Variants in ST6GALNAC3 observed in about 807,000 individuals in gnomAD.
ST6GALNAC3 encodes the protein ST6 N-acetylgalactosaminide alpha-2,6-sialyltransferase 3, also known as alpha-N-acetylgalactosaminide alpha-2,6-sialyltransferase 3.
In ST6GALNAC3, 25 loss-of-function variants were observed where a neutral mutation model predicts 32.7. The ratio of observed to expected loss-of-function variants is 0.76; its 90% CI spans 0.56 to 1.07. The LOEUF is 1.07. Among genes scored for constraint, ST6GALNAC3 ranks in the 50% least tolerant of loss-of-function variants. ST6GALNAC3 has a pLI of 0.00. For missense variants in ST6GALNAC3, 355 were observed against 382.4 expected, an observed-to-expected ratio of 0.93 and a Z score of 0.60; for synonymous variants, 129 against 133.1, an observed-to-expected ratio of 0.97 and a Z score of 0.21.
chr1:76,202,635 C>T (rs1010245997), intron 1 of ST6GALNAC3, among the ~76,000 whole-genome samples: 4 of 152,072 alleles, frequency 2.6e-5, no homozygotes, highest in African/African-American at 9.7e-5. Flanking sequence ...GAAGTGTTTG[C>T]AGTCAGAGTA....
intron 3 of ST6GALNAC3, among the ~76,000 whole-genome samples, chr1:76,570,515 T>C (rs1665798461): frequency 6.6e-6 from 1 of 152,084 alleles, no homozygotes; most frequent in African/African-American, 2.4e-5. Context: ...CTTCTATACT[T>C]CATAGGAAAC....
chr1:76,488,708 G>T (rs1336183422), intron 3 of ST6GALNAC3, among the ~76,000 whole-genome samples: 1 of 152,172 alleles, frequency 6.6e-6, no homozygotes, highest in Non-Finnish European at 1.5e-5. Flanking sequence ...TCAGTTAGTT[G>T]TCCATGAGTC....
intron 1 of ST6GALNAC3, among the ~76,000 whole-genome samples, chr1:76,274,604 A>C (rs1659032507): frequency 6.6e-6 from 1 of 152,172 alleles, no homozygotes; most frequent in Non-Finnish European, 1.5e-5. Flanking sequence ...CAATACAAGA[A>C]TGTCAGCAAT....
Position 76,074,830 on chromosome 1 carries a change from G to C in ST6GALNAC3, c.-37G>C. Reference sequence around the variant, plus strand: ...CCAGGACTGCCCCTGACCCAGGCGCGCCCGCTGCTCGGTGGCAGGAGGGCC... The same window carrying C: ...CCAGGACTGCCCCTGACCCAGGCGCCCCCGCTGCTCGGTGGCAGGAGGGCC... On this transcript the variant is annotated 5_prime_UTR_variant, in exon 1 of 5. Coordinates refer to ENST00000328299, the MANE Select transcript of ST6GALNAC3 (RefSeq NM_152996.4). The C allele has an allele frequency of 5.1e-6, 8 of 1,571,346 alleles. No homozygotes were observed. The highest frequency in any genetic ancestry group is 6.9e-6 in the Non-Finnish European group (8 of 1,158,642).
At chr1:76,531,652 T>A (rs940015180) in intron 3 of ST6GALNAC3, among the ~76,000 whole-genome samples, 1 of 152,128 alleles carries the variant, frequency 6.6e-6, no homozygotes, top group Non-Finnish European at 1.5e-5. Flanking sequence ...ACAATACAAT[T>A]CCAGGTACAA....
intron 3 of ST6GALNAC3, among the ~76,000 whole-genome samples, chr1:76,582,663 G>C (rs949924330): frequency 6.6e-6 from 1 of 151,878 alleles, no homozygotes; most frequent in Non-Finnish European, 1.5e-5. Flanking sequence ...TCCTTTTTTG[G>C]GACAGTATTA....
intron 3 of ST6GALNAC3, among the ~76,000 whole-genome samples, chr1:76,556,011 C>A (rs1198618486): frequency 6.6e-6 from 1 of 152,018 alleles, no homozygotes; most frequent in Middle Eastern, 3.2e-3. Context: ...GGGAACTATA[C>A]CCATTAGCAG....
chr1:76,167,113 C>A (rs1229953130), intron 1 of ST6GALNAC3, among the ~76,000 whole-genome samples: 1 of 152,150 alleles, frequency 6.6e-6, no homozygotes, highest in African/African-American at 2.4e-5. Context: ...TTTACCCATT[C>A]ATTATGGTGT....
intron 1 of ST6GALNAC3, among the ~76,000 whole-genome samples, chr1:76,078,854 C>T (rs1375855384): frequency 1.3e-5 from 2 of 152,050 alleles, no homozygotes; most frequent in Non-Finnish European, 2.9e-5. Context: ...GATCTTGGTT[C>T]GCTGCAACCT....
intron 1 of ST6GALNAC3, among the ~76,000 whole-genome samples, chr1:76,238,782 C>T (rs774710705): frequency 2.6e-5 from 4 of 151,992 alleles, no homozygotes; most frequent in Non-Finnish European, 4.4e-5. Context: ...TTATTTTCCT[C>T]GGGCAGGAAA....
intron 3 of ST6GALNAC3, among the ~76,000 whole-genome samples, chr1:76,613,208 A>G (rs982158256): frequency 6.6e-6 from 1 of 152,150 alleles, no homozygotes; most frequent in African/African-American, 2.4e-5. Flanking sequence ...TTAAATTGAT[A>G]TTTCCCCTCG....
chr1:76,423,509 T>C (rs1655171598), intron 3 of ST6GALNAC3, among the ~76,000 whole-genome samples: 1 of 151,986 alleles, frequency 6.6e-6, no homozygotes, highest in South Asian at 2.1e-4. Context: ...TATTAAGCTC[T>C]ACTGGCAAAA....
chr1:76,230,455 T>C (rs1460367315), intron 1 of ST6GALNAC3, among the ~76,000 whole-genome samples: 1 of 152,200 alleles, frequency 6.6e-6, no homozygotes, highest in Non-Finnish European at 1.5e-5. Context: ...CAAATTATCT[T>C]TTATTTTATT....
rs377197443 is a variant in ST6GALNAC3, at chr1:76,612,955, G to T, written c.624-14497G>T. On this transcript the variant is annotated intron_variant, in intron 3 of 4. Transcript: ENST00000328299. ...AAGCTTTCCTATGGGAGGCTGGCAT[G>T]CAGATGTCACCGTGGGGCTTTGTTG... 4.6e-5 allele frequency among the ~76,000 whole-genome samples: 7 copies of T among 152,222 alleles called. No homozygotes were observed. In the East Asian group the frequency reaches 5.8e-4, roughly 13 times the overall value.
chr1:76,290,250 A>T (rs1660005585), intron 1 of ST6GALNAC3, among the ~76,000 whole-genome samples: 1 of 152,212 alleles, frequency 6.6e-6, no homozygotes, highest in Non-Finnish European at 1.5e-5. Flanking sequence ...CTCAGGTAAG[A>T]CTATTTTAAA....
chr1:76,624,355 G>T (rs1648831180), intron 3 of ST6GALNAC3, among the ~76,000 whole-genome samples: 1 of 151,874 alleles, frequency 6.6e-6, no homozygotes, highest in African/African-American at 2.4e-5. Context: ...TTCTTTTCCT[G>T]TGCTAAAGAG....
chr1:76,441,850 T>C (rs1049608723), intron 3 of ST6GALNAC3, among the ~76,000 whole-genome samples: 13 of 152,222 alleles, frequency 8.5e-5, no homozygotes, highest in Non-Finnish European at 1.5e-4. Flanking sequence ...ATCTGGTTCT[T>C]TCTCTGGCCC....
At chr1:76,261,103 A>G (rs1311753820) in intron 1 of ST6GALNAC3, among the ~76,000 whole-genome samples, 3 of 151,936 alleles carry the variant, frequency 2.0e-5, no homozygotes, top group Non-Finnish European at 4.4e-5. Context: ...TTGCTTTGCT[A>G]TTTTTAAGTA....
At chr1:76,097,351 G>T (rs989722363) in intron 1 of ST6GALNAC3, among the ~76,000 whole-genome samples, 3 of 152,162 alleles carry the variant, frequency 2.0e-5, no homozygotes, top group African/African-American at 4.8e-5. Flanking sequence ...AATCATGGGG[G>T]TGGTTACCTC....
Sources: allele counts gnomAD v4.1 joint callset (sites outside exome capture counted in the v4.1 genomes callset), GRCh38; gene constraint gnomAD v4.1.1; transcripts MANE v1.5; gene names NCBI Gene and HGNC (gene_info 2026-07-23, HGNC 2026-07-21).